TESK2: variants seen among roughly 807,000 people sequenced by gnomAD.
The protein encoded by TESK2 is dual specificity testis-specific protein kinase 2.
Under a neutral mutation model 57.1 loss-of-function variants are expected in TESK2, and 39 were observed. The observed-to-expected ratio is 0.68, with a 90% CI of 0.53 to 0.89. The LOEUF (loss-of-function observed/expected upper bound fraction) is 0.89, where lower values mean the gene tolerates loss of function less well. TESK2 is among the 40% of genes least tolerant of loss of function. The pLI is 0.00. For missense variants in TESK2, 646 were observed against 732.1 expected (o/e 0.88, Z 1.36); for synonymous variants, 249 against 267.9 (o/e 0.93, Z 0.69).
At chr1:45,476,894 C>G (rs990297698) in intron 1 of TESK2, among the ~76,000 whole-genome samples, 4 of 151,266 alleles carry the variant, frequency 2.6e-5, no homozygotes, top group African/African-American at 9.7e-5. Flanking sequence ...TGCCTATAAT[C>G]CTACCACTTT....
chr1:45,346,500 CTTCT>C (rs148309386), intron 9 of TESK2, among the ~76,000 whole-genome samples, 189 bp downstream of exon 9: 1,864 of 152,346 alleles, frequency 0.012, 33 homozygotes, highest in South Asian at 0.054. Flanking sequence ...TACAAAACAA[CTTCT>C]TTCTTTCCTT....
intron 4 of TESK2, among the ~76,000 whole-genome samples, chr1:45,376,654 T>C (rs1203323813): frequency 2.0e-5 from 3 of 152,176 alleles, no homozygotes; most frequent in Admixed American, 2.0e-4. Context: ...AGTATTATTA[T>C]AAGCTCTATC....
chr1:45,483,463 T>C (rs1450156420), intron 1 of TESK2, among the ~76,000 whole-genome samples: 3 of 151,880 alleles, frequency 2.0e-5, no homozygotes, highest in Admixed American at 6.6e-5. Context: ...TTGGGCATGG[T>C]GGCGCACACC....
At chr1:45,450,148 C>G (rs945441743) in intron 2 of TESK2, among the ~76,000 whole-genome samples, 2 of 151,918 alleles carry the variant, frequency 1.3e-5, no homozygotes, top group African/African-American at 4.8e-5. Flanking sequence ...GGATAAATTC[C>G]GAATGGATCA....
chr1:45,393,733 C>A, intron 3 of TESK2, among the ~76,000 whole-genome samples: 1 of 135,184 alleles, frequency 7.4e-6, no homozygotes. Flanking sequence ...AGTGAGACTC[C>A]GTCTCAAAAA....
chr1:45,423,366 GC>G (rs1262819054), intron 2 of TESK2, among the ~76,000 whole-genome samples: 1 of 151,992 alleles, frequency 6.6e-6, no homozygotes, highest in Admixed American at 6.6e-5. Flanking sequence ...GACCAGCCTG[GC>G]TAACATGGTG....
rs199815408 is a variant in TESK2 at position 45,384,377 on chromosome 1, A to ATCTATCTG, written c.393+1534_393+1535insCAGATAGA. Among the ~76,000 whole-genome samples the ATCTATCTG allele has an allele frequency of 5.3e-3, 736 of 138,954 alleles. 3 individuals are homozygous for ATCTATCTG. Among genetic ancestry groups the ATCTATCTG allele is most frequent in the East Asian group, 0.039 (184 of 4,678 alleles). The allele number at this position is 138,954 out of a possible 152,430, so 91.2% of individuals were successfully genotyped here. A position where few individuals can be genotyped will look rare whatever the true frequency, so the allele number is the denominator to read the frequency against. ...TATGTACGTACGTATCTATCTATCT[A>ATCTATCTG]TCTATCTATCTGTCTATCTATCTAT... On this transcript the variant is annotated intron_variant, in intron 4 of 10. Transcript: ENST00000372086.
rs1386148500 is a variant in TESK2, at chr1:45,467,232, T to C, written c.-86-9361A>G. 3.9e-5 allele frequency among the ~76,000 whole-genome samples: 6 copies of C among 152,212 alleles called. No individual in the cohort carries two copies. In the East Asian group the frequency reaches 1.2e-3, roughly 29 times the overall value. The stretch of plus-strand genomic sequence containing the variant: ...GTGGCAAATAACACAAAATGATATA[T>C]CTGTTAATTTTATCATTTTTCATTA... On this transcript the variant is annotated intron_variant, in intron 1 of 10. Coordinates refer to ENST00000372086, the MANE Select transcript of TESK2 (RefSeq NM_007170.3).
At chr1:45,424,760 A>C (rs1650620920) in intron 2 of TESK2, among the ~76,000 whole-genome samples, 2 of 152,366 alleles carry the variant, frequency 1.3e-5, no homozygotes, top group South Asian at 4.1e-4. Context: ...GGATAGTTCA[A>C]CATACGTAAA....
In TESK2 at chr1:45,385,917, T is replaced by C; in HGVS notation, c.388A>G (p.Thr130Ala). ...AACACTTACTGATGTCTTACCTCTG[T>C]AAGTGCATGCAATTGTCCTTGATGA... ...CVHQGQLHAL[T>A]EYINSGNLEQ... The change falls in exon 4 of 11, where the codon ACA becomes GCA. Residue 130 changes from threonine to alanine, a missense_variant. Transcript: ENST00000372086. 6.2e-7 allele frequency: 1 copy of C among 1,606,426 alleles called. No homozygotes were observed. Among genetic ancestry groups the C allele is most frequent in the South Asian group, 1.1e-5 (1 of 90,294 alleles).
chr1:45,457,491 TA>T, intron 2 of TESK2, 72 bp downstream of exon 2: 1 of 1,407,872 alleles, frequency 7.1e-7, no homozygotes, highest in South Asian at 1.2e-5. Context: ...ACATCCTAAT[TA>T]AACACAACTA....
Position 45,345,026 on chromosome 1 carries a change from A to G in TESK2, c.1530T>C (p.His510=). The part of the protein sequence containing the change: ...RASALPAAQA[H]EAMDCSILQE... Reference sequence around the variant, plus strand: ...GGAGAATGGAGCAGTCCATAGCCTCATGGGCTTGAGCAGCTGGTAGGGCAG... The same window carrying G: ...GGAGAATGGAGCAGTCCATAGCCTCGTGGGCTTGAGCAGCTGGTAGGGCAG... The change falls in exon 11 of 11, where the codon CAT becomes CAC. Residue 510 remains histidine (H), a synonymous_variant. Transcript: ENST00000372086. The G allele has an allele frequency of 6.2e-7, 1 of 1,614,226 alleles. No homozygotes were observed. Among genetic ancestry groups the G allele is most frequent in the South Asian group, 1.1e-5 (1 of 91,092 alleles).
chr1:45,441,678 G>C (rs1651451092), intron 2 of TESK2, among the ~76,000 whole-genome samples: 1 of 149,936 alleles, frequency 6.7e-6, no homozygotes, highest in South Asian at 2.1e-4. Flanking sequence ...GAGTACAGTG[G>C]TGCGATCTCA....
rs755971310 is a variant in TESK2, at chr1:45,346,796, A to C, written c.793-17T>G. 4 of 1,610,486 alleles carry C rather than the reference A, an allele frequency of 2.5e-6. No individual in the cohort carries two copies. The highest frequency in any genetic ancestry group is 3.4e-6 in the Non-Finnish European group (4 of 1,176,936). On this transcript the variant is annotated splice_polypyrimidine_tract_variant and intron_variant, in intron 8 of 10. Transcript: ENST00000372086. The stretch of plus-strand genomic sequence containing the variant: ...CCCGAAATTCTGTGGATGGGTATGG[A>C]AAGCATAGGTAGACAGTTCATTAAT...
chr1:45,376,215 T>C (rs921726727), intron 4 of TESK2, among the ~76,000 whole-genome samples: 1 of 15,618 alleles, frequency 6.4e-5, no homozygotes, highest in Admixed American at 3.4e-4. Flanking sequence ...TTCTCTCTCT[T>C]TTTTTTTTTT....
intron 4 of TESK2, among the ~76,000 whole-genome samples, chr1:45,384,309 G>A (rs544574356): frequency 4.4e-4 from 66 of 150,356 alleles, no homozygotes; most frequent in African/African-American, 1.6e-3. Flanking sequence ...TCTATCTATC[G>A]ACAGGGTCTC....
chr1:45,346,118 C>T, intron 9 of TESK2, 124 bp from the exon 10 acceptor site: 1 of 746,140 alleles, frequency 1.3e-6, no homozygotes, highest in Non-Finnish European at 2.3e-6. Context: ...TTCTAAAGGC[C>T]CCAGACAATG....
At chr1:45,487,712 C>G (rs1406483133) in intron 1 of TESK2, among the ~76,000 whole-genome samples, 1 of 152,168 alleles carries the variant, frequency 6.6e-6, no homozygotes, top group African/African-American at 2.4e-5. Flanking sequence ...TGAAACATAT[C>G]TCCTACACTA....
intron 2 of TESK2, among the ~76,000 whole-genome samples, chr1:45,425,842 T>C (rs1336685706): frequency 2.0e-5 from 3 of 152,020 alleles, no homozygotes; most frequent in Non-Finnish European, 4.4e-5. Flanking sequence ...AAAGCCATCC[T>C]GAGGAAAAGA....
Sources: gnomAD v4.1 joint callset for allele counts (sites outside exome capture counted in the v4.1 genomes callset) on GRCh38, gnomAD v4.1.1 for gene constraint, MANE v1.5 for transcripts, NCBI Gene and HGNC (gene_info 2026-07-23, HGNC 2026-07-21) for gene names.